Variants in NEBL observed in about 807,000 individuals in gnomAD.
The protein encoded by NEBL is LIM and SH3 protein 2.
A neutral mutation model predicts 140.2 loss-of-function variants in NEBL; 122 were observed. That is an observed-to-expected ratio of 0.87 (90% CI 0.75 to 1.01). NEBL has a LOEUF of 1.01. Ranked by LOEUF, NEBL falls within the 50% of genes least tolerant of loss-of-function variation. The pLI, the probability that NEBL is intolerant of heterozygous loss-of-function variation, is 0.00. For missense variants in NEBL, 1,365 were observed against 1,231.3 expected (o/e 1.11, Z -1.62); for synonymous variants, 436 against 398.9 (o/e 1.09, Z -1.11).
chr10:21,257,652 G>A (rs957804209), intron 1 of NEBL, among the ~76,000 whole-genome samples: 2 of 152,244 alleles, frequency 1.3e-5, no homozygotes, highest in Middle Eastern at 3.4e-3. Flanking sequence ...TTGGGAGGCC[G>A]AGGCGGGCGG....
intron 4 of NEBL, among the ~76,000 whole-genome samples, chr10:20,914,356 T>C (rs2131473889): frequency 1.3e-5 from 2 of 152,338 alleles, no homozygotes; most frequent in Admixed American, 1.3e-4. Flanking sequence ...GATTTGCTTT[T>C]TAATGACTTC....
intron 2 of NEBL, among the ~76,000 whole-genome samples, chr10:21,128,682 A>C (rs1236146772): frequency 6.6e-6 from 1 of 152,214 alleles, no homozygotes. Flanking sequence ...AAGACCAACA[A>C]GAGAACATCA....
At chr10:21,157,562 T>A (rs577929938) in intron 2 of NEBL, among the ~76,000 whole-genome samples, 1 of 152,230 alleles carries the variant, frequency 6.6e-6, no homozygotes, top group African/African-American at 2.4e-5. Flanking sequence ...CAGAGCAAGA[T>A]TCCATCTCAA....
At position 20,812,834 on chromosome 10, in the gene NEBL, T is replaced by C. The variant is rs1351042860; in HGVS notation, c.2453A>G (p.Asp818Gly). The C allele has an allele frequency of 1.9e-6, 3 of 1,614,026 alleles. No individual in the cohort carries two copies. In the South Asian group the frequency reaches 3.3e-5, roughly 18 times the overall value. The part of the protein sequence containing the change: ...RVRKNTQVVS[D>G]AAYKGVHPHI... ...AGGGTGGACCCCTTTATAGGCAGCA[T>C]CGCTGACCACCTGGGTGTTCTTCCT... The change falls in exon 24 of 28, where the codon GAT becomes GGT. Residue 818 changes from aspartate to glycine, a missense_variant. By Grantham distance (94) the Asp-to-Gly change is moderately conservative. Transcript: ENST00000377122.
chr10:20,924,677 G>A (rs1833795509), intron 4 of NEBL, among the ~76,000 whole-genome samples: 2 of 152,000 alleles, frequency 1.3e-5, no homozygotes, highest in African/African-American at 4.8e-5. Context: ...AATAAGGTGA[G>A]GGAAGGTGAG....
chr10:20,981,945 C>T (rs1015627023), intron 3 of NEBL, among the ~76,000 whole-genome samples: 1 of 152,216 alleles, frequency 6.6e-6, no homozygotes, highest in African/African-American at 2.4e-5. Flanking sequence ...GTTGAGATAT[C>T]TGGCATTTCT....
chr10:21,078,344 A>G (rs1411839967), intron 2 of NEBL, among the ~76,000 whole-genome samples: 1 of 152,238 alleles, frequency 6.6e-6, no homozygotes, highest in East Asian at 1.9e-4. Context: ...AAGCCTTTCA[A>G]ATTATTACAA....
At chr10:20,802,127 G>A (rs1049249370) in intron 26 of NEBL, among the ~76,000 whole-genome samples, 17 of 152,196 alleles carry the variant, frequency 1.1e-4, no homozygotes, top group African/African-American at 3.4e-4. Flanking sequence ...TAAACACCAG[G>A]TGAGATTGCA....
intron 2 of NEBL, among the ~76,000 whole-genome samples, chr10:21,171,329 C>T (rs2132183028): frequency 7.4e-6 from 1 of 135,980 alleles, no homozygotes; most frequent in South Asian, 2.3e-4. Flanking sequence ...GAGCAAACTT[C>T]TGTCTCAAAA....
intron 4 of NEBL, among the ~76,000 whole-genome samples, chr10:20,939,567 C>T (rs1186351829): frequency 1.3e-5 from 2 of 152,174 alleles, no homozygotes; most frequent in Non-Finnish European, 2.9e-5. Context: ...ATGACAGGAT[C>T]AAATTCACAC....
At chr10:20,914,942 C>G (rs1848476203) in intron 4 of NEBL, among the ~76,000 whole-genome samples, 1 of 150,124 alleles carries the variant, frequency 6.7e-6, no homozygotes, top group African/African-American at 2.5e-5. Context: ...ATGCAATTCT[C>G]CTACCTCTGC....
chr10:20,934,088 T>C (rs1239736224), intron 4 of NEBL, among the ~76,000 whole-genome samples: 4 of 152,210 alleles, frequency 2.6e-5, no homozygotes, highest in African/African-American at 9.6e-5. Context: ...GCCTGATTTA[T>C]GAAATGATTG....
intron 4 of NEBL, among the ~76,000 whole-genome samples, chr10:20,881,850 A>G (rs1846035619): frequency 6.6e-6 from 1 of 152,220 alleles, no homozygotes. Flanking sequence ...AAAATATACT[A>G]AAAGCTTAAT....
intron 3 of NEBL, among the ~76,000 whole-genome samples, chr10:21,244,229 G>A (rs896319990): frequency 3.3e-5 from 5 of 151,830 alleles, no homozygotes; most frequent in South Asian, 2.1e-4. Context: ...AGTGTGGCCC[G>A]ATCTTGGCTC....
intron 1 of NEBL, among the ~76,000 whole-genome samples, chr10:21,255,042 A>T (rs1367338559): frequency 6.6e-6 from 1 of 152,148 alleles, no homozygotes; most frequent in Non-Finnish European, 1.5e-5. Context: ...GCCATAGGAC[A>T]GTCTATCAGA....
chr10:21,182,418 A>G (rs73609224), intron 3 of NEBL, among the ~76,000 whole-genome samples: 2,283 of 152,320 alleles, frequency 0.015, 58 homozygotes, highest in African/African-American at 0.053. Context: ...CTAGGCTGCA[A>G]TGAGGTATTA....
At chr10:20,914,947 C>T (rs894310129) in intron 4 of NEBL, among the ~76,000 whole-genome samples, 1 of 148,064 alleles carries the variant, frequency 6.8e-6, no homozygotes, top group Non-Finnish European at 1.5e-5. Context: ...ATTCTCCTAC[C>T]TCTGCCTCCC....
At chr10:21,105,059 C>A (rs1306793355) in intron 2 of NEBL, among the ~76,000 whole-genome samples, 1 of 152,100 alleles carries the variant, frequency 6.6e-6, no homozygotes, top group Non-Finnish European at 1.5e-5. Context: ...ACCCTGAATT[C>A]TTGGAAGAAA....
chr10:21,254,525 C>A (rs1306079772), intron 1 of NEBL, among the ~76,000 whole-genome samples: 1 of 152,236 alleles, frequency 6.6e-6, no homozygotes, highest in East Asian at 1.9e-4. Flanking sequence ...CTCACTGCAA[C>A]CTCTGCCTCC....
Sources: allele counts gnomAD v4.1 joint callset (sites outside exome capture counted in the v4.1 genomes callset), GRCh38; gene constraint gnomAD v4.1.1; transcripts MANE v1.5; gene names NCBI Gene and HGNC (gene_info 2026-07-23, HGNC 2026-07-21).